Variants in NBEA observed in about 807,000 individuals in gnomAD.
NBEA encodes the protein lysosomal-trafficking regulator 2.
In NBEA, 44 loss-of-function variants were observed where a neutral mutation model predicts 343.4. The ratio of observed to expected loss-of-function variants is 0.13; its 90% CI spans 0.10 to 0.16. The LOEUF is 0.16. Among genes scored for constraint, NBEA ranks in the 10% least tolerant of loss-of-function variants. The pLI is 1.00. For synonymous variants in NBEA, 1,175 were observed against 1,238.7 expected (o/e 0.95, Z 1.08); for missense variants, 2,555 against 3,631.3 (o/e 0.70, Z 7.62).
chr13:35,051,503 TA>T (rs2063064900), intron 6 of NBEA, among the ~76,000 whole-genome samples: 1 of 152,052 alleles, frequency 6.6e-6, no homozygotes, highest in African/African-American at 2.4e-5. Flanking sequence ...ATTTGCTTTA[TA>T]TTTAATGTCA....
chr13:35,205,457 A>AT (rs2073327750), intron 31 of NBEA, among the ~76,000 whole-genome samples: 1 of 152,070 alleles, frequency 6.6e-6, no homozygotes, highest in Admixed American at 6.6e-5. Context: ...AGACTTTCAG[A>AT]TTTTTTAAAA....
intron 1 of NBEA, among the ~76,000 whole-genome samples, chr13:35,037,759 G>C (rs1271592636): frequency 6.6e-6 from 1 of 152,116 alleles, no homozygotes; most frequent in African/African-American, 2.4e-5. Context: ...GCACTCCTAT[G>C]ACCACCACCA....
At chr13:35,100,016 G>A (rs1270838273) in intron 11 of NBEA, among the ~76,000 whole-genome samples, 1 of 152,062 alleles carries the variant, frequency 6.6e-6, no homozygotes, top group East Asian at 1.9e-4. Context: ...AGTAATAGAA[G>A]TGAGATCTCA....
rs2069596289 is a variant in NBEA at position 35,161,991 on chromosome 13, A to G, written c.4079+24A>G. Reference sequence around the variant, plus strand: ...AGGTAGAAATATTTCTTTTTTATAAATTAAAAGCAAATATTTAAAATATGC... The same window carrying G: ...AGGTAGAAATATTTCTTTTTTATAAGTTAAAAGCAAATATTTAAAATATGC... On this transcript the variant is annotated intron_variant, in intron 23 of 58. Transcript: ENST00000379939. The G allele has an allele frequency of 4.6e-6, 7 of 1,512,680 alleles. No homozygotes were observed. In the African/African-American group the frequency reaches 8.4e-5, roughly 18 times the overall value. 93.7% of individuals were successfully genotyped at this position (1,512,680 alleles called of 1,614,324 possible).
At chr13:35,385,962 G>C (rs1225822829) in intron 38 of NBEA, among the ~76,000 whole-genome samples, 2 of 151,942 alleles carry the variant, frequency 1.3e-5, no homozygotes, top group Non-Finnish European at 2.9e-5. Context: ...ATTTCCTAGA[G>C]AGATTCACAG....
intron 1 of NBEA, among the ~76,000 whole-genome samples, chr13:34,991,015 C>A (rs1010609713): frequency 2.6e-5 from 4 of 152,152 alleles, no homozygotes; most frequent in Non-Finnish European, 5.9e-5. Context: ...TGATCTTTGC[C>A]CCAGTTCCCA....
intron 55 of NBEA, among the ~76,000 whole-genome samples, chr13:35,660,466 C>T (rs1278726666): frequency 1.3e-5 from 2 of 152,182 alleles, no homozygotes; most frequent in Admixed American, 6.5e-5. Flanking sequence ...CTTTTCTATT[C>T]CACTTTTTAA....
intron 10 of NBEA, among the ~76,000 whole-genome samples, chr13:35,091,896 T>C (rs534974214): frequency 6.6e-6 from 1 of 152,098 alleles, no homozygotes; most frequent in Admixed American, 6.6e-5. Flanking sequence ...AAATCCTAGC[T>C]GAATATGTTC....
At chr13:35,021,074 A>G (rs2061822291) in intron 1 of NBEA, among the ~76,000 whole-genome samples, 1 of 151,790 alleles carries the variant, frequency 6.6e-6, no homozygotes, top group Admixed American at 6.6e-5. Context: ...TGTTCTTTTT[A>G]TAAAGTCTAA....
chr13:35,467,395 C>A (rs905506088), intron 40 of NBEA, among the ~76,000 whole-genome samples: 1 of 151,868 alleles, frequency 6.6e-6, no homozygotes, highest in Non-Finnish European at 1.5e-5. Context: ...TCGCTTAAAC[C>A]GGGAGGCGGA....
At chr13:35,244,557 A>G (rs1313231003) in intron 34 of NBEA, among the ~76,000 whole-genome samples, 1 of 152,030 alleles carries the variant, frequency 6.6e-6, no homozygotes, top group Non-Finnish European at 1.5e-5. Context: ...TGATGTCTCC[A>G]GATTGTTCCT....
intron 47 of NBEA, among the ~76,000 whole-genome samples, chr13:35,596,572 C>T (rs1019038777): frequency 3.9e-5 from 6 of 152,048 alleles, no homozygotes; most frequent in Non-Finnish European, 8.8e-5. Context: ...GCTGAAGTGA[C>T]CTTTCAGGAG....
chr13:35,639,456 T>A (rs1326893527), intron 49 of NBEA, among the ~76,000 whole-genome samples: 1 of 152,144 alleles, frequency 6.6e-6, no homozygotes, highest in Non-Finnish European at 1.5e-5. Context: ...TAAAATTCCA[T>A]TGTTTTTGTT....
At chr13:35,040,630 C>G (rs2062614534) in intron 1 of NBEA, among the ~76,000 whole-genome samples, 1 of 151,808 alleles carries the variant, frequency 6.6e-6, no homozygotes, top group Admixed American at 6.6e-5. Context: ...AAGGCCAAAC[C>G]CTCTTTTTAG....
chr13:35,127,006 A>T (rs2067171006), intron 17 of NBEA, among the ~76,000 whole-genome samples: 2 of 152,060 alleles, frequency 1.3e-5, no homozygotes, highest in South Asian at 2.1e-4. Flanking sequence ...CAAAACGAAT[A>T]TTTAAATCTA....
chr13:35,263,881 C>G (rs2033437241), intron 34 of NBEA, among the ~76,000 whole-genome samples: 1 of 151,494 alleles, frequency 6.6e-6, no homozygotes, highest in Non-Finnish European at 1.5e-5. Context: ...AACGAGAAAA[C>G]TAAGCACAAA....
chr13:35,480,058 G>GAA (rs35107997), intron 41 of NBEA, among the ~76,000 whole-genome samples: 2,810 of 136,228 alleles, frequency 0.021, 63 homozygotes, highest in African/African-American at 0.054. Context: ...TACCAGTTAG[G>GAA]AAAAAAAAAA....
intron 1 of NBEA, among the ~76,000 whole-genome samples, chr13:34,997,558 TACAG>T (rs1422031108): frequency 6.6e-6 from 1 of 152,230 alleles, no homozygotes; most frequent in Non-Finnish European, 1.5e-5. Flanking sequence ...ATTTATGAGT[TACAG>T]ACATGATATC....
chr13:35,038,782 A>G (rs1213530843), intron 1 of NBEA, among the ~76,000 whole-genome samples: 1 of 152,084 alleles, frequency 6.6e-6, no homozygotes, highest in Non-Finnish European at 1.5e-5. Flanking sequence ...CTTCTCAAGT[A>G]GAAGGAAGGG....
Sources: allele counts gnomAD v4.1 joint callset (sites outside exome capture counted in the v4.1 genomes callset), GRCh38; gene constraint gnomAD v4.1.1; transcripts MANE v1.5; gene names NCBI Gene and HGNC (gene_info 2026-07-23, HGNC 2026-07-21).